TTC23: variants seen among roughly 807,000 people sequenced by gnomAD.
The protein encoded by TTC23 is tetratricopeptide repeat protein 23.
In TTC23, 58 loss-of-function variants were observed where a neutral mutation model predicts 55.1. The ratio of observed to expected loss-of-function variants is 1.05; its 90% CI spans 0.85 to 1.31. The LOEUF is 1.31. TTC23 is among the 50% of genes most tolerant of loss of function. The pLI is 0.00. For missense variants in TTC23, 516 were observed against 534.4 expected, an observed-to-expected ratio of 0.97 and a Z score of 0.34; for synonymous variants, 203 against 199.9, an observed-to-expected ratio of 1.02 and a Z score of -0.13.
intron 10 of TTC23, among the ~76,000 whole-genome samples, chr15:99,170,751 G>A (rs1292421594): frequency 6.6e-6 from 1 of 152,254 alleles, no homozygotes. Context: ...GGCCACGTGA[G>A]GGGACAGCAG....
At chr15:99,239,052 C>G (rs1038904363) in intron 3 of TTC23, among the ~76,000 whole-genome samples, 2 of 152,166 alleles carry the variant, frequency 1.3e-5, no homozygotes, top group African/African-American at 2.4e-5. Flanking sequence ...TTGATTGACT[C>G]ATTTCCTCAT....
chr15:99,228,630 A>T lies in TTC23; in HGVS notation c.83T>A (p.Phe28Tyr). The change falls in exon 5 of 14, where the codon TTC becomes TAC. Residue 28 changes from phenylalanine to tyrosine, a missense_variant. By Grantham distance (22) the Phe-to-Tyr change is conservative. Transcript: ENST00000394132. Reference protein sequence around the residue: ...AAVSITHRKKFQNKLLQTALF... With the variant: ...AAVSITHRKKYQNKLLQTALF... ...TGCTGTCTGAAGCAGCTTGTTTTGG[A>T]ACTTCTTTCTATGAGTGATGCTAAC... 6.2e-7 allele frequency: 1 copy of T among 1,613,820 alleles called. No individual in the cohort carries two copies. Among genetic ancestry groups the T allele is most frequent in the African/African-American group, 1.3e-5 (1 of 75,016 alleles).
intron 12 of TTC23, chr15:99,141,084 T>C (rs1037720749): frequency 4.6e-5 from 7 of 152,356 alleles, no homozygotes; most frequent in Middle Eastern, 6.8e-3. Flanking sequence ...TACCAAGTTT[T>C]GTTAAAGATA....
At chr15:99,139,869 C>T (rs2068026670) in intron 12 of TTC23, 1 of 743,366 alleles carries the variant, frequency 1.3e-6, no homozygotes, top group Admixed American at 3.2e-5. Flanking sequence ...ACCAAATATT[C>T]AGCTTATGGA....
intron 3 of TTC23, among the ~76,000 whole-genome samples, chr15:99,236,542 T>G (rs2079334673): frequency 6.6e-6 from 1 of 151,838 alleles, no homozygotes; most frequent in Admixed American, 6.6e-5. Flanking sequence ...CGCAGCTCAC[T>G]GCAGCCTACA....
rs1390644234 is a variant in TTC23, at chr15:99,208,247, AT to A, written c.582-8152del. 3.9e-5 allele frequency among the ~76,000 whole-genome samples: 6 copies of A among 152,240 alleles called. 1 individual carries two copies. Among genetic ancestry groups the A allele is most frequent in the African/African-American group, 1.4e-4 (6 of 41,550 alleles). ...CATATAAAGTTTTAAAATATGACAA[AT>A]TTTATATATATATACACACATATAT... On this transcript the variant is annotated intron_variant, in intron 8 of 13. Coordinates refer to ENST00000394132, the MANE Select transcript of TTC23 (RefSeq NM_001288615.3).
chr15:99,139,921 A>G (rs1555489455), intron 12 of TTC23: 6 of 378,366 alleles, frequency 1.6e-5, no homozygotes. Context: ...CCTTCTGCTT[A>G]CTTTAAGTCT....
chr15:99,240,697 C>T (rs2079706422), intron 3 of TTC23, among the ~76,000 whole-genome samples: 1 of 152,192 alleles, frequency 6.6e-6, no homozygotes, highest in African/African-American at 2.4e-5. Flanking sequence ...TCTCTGTATC[C>T]ATTTCTCTCT....
intron 12 of TTC23, among the ~76,000 whole-genome samples, chr15:99,153,619 T>TA (rs1555497986): frequency 6.6e-6 from 1 of 152,180 alleles, no homozygotes; most frequent in Non-Finnish European, 1.5e-5. Flanking sequence ...GAGATACATT[T>TA]AGAACAATAA....
At chr15:99,210,684 A>C (rs923982337) in intron 8 of TTC23, among the ~76,000 whole-genome samples, 13 of 152,192 alleles carry the variant, frequency 8.5e-5, no homozygotes, top group African/African-American at 3.1e-4. Context: ...TGATGGTAAG[A>C]ACTAAAAATT....
chr15:99,246,469 G>C (rs1286272095), intron 1 of TTC23, among the ~76,000 whole-genome samples: 2 of 151,892 alleles, frequency 1.3e-5, no homozygotes, highest in Non-Finnish European at 2.9e-5. Flanking sequence ...CAAAAAATTA[G>C]CTGGGCATAG....
intron 11 of TTC23, chr15:99,161,060 G>A (rs1389202038): frequency 6.7e-6 from 1 of 149,904 alleles, no homozygotes; most frequent in African/African-American, 2.5e-5. Flanking sequence ...AAAGTAAACA[G>A]GACTTAGGTG....
rs1302297387 is a variant in TTC23 at position 99,137,818 on chromosome 15, C to T, written c.*192G>A. On this transcript the variant is annotated 3_prime_UTR_variant, in exon 14 of 14. Coordinates refer to ENST00000394132, the MANE Select transcript of TTC23 (RefSeq NM_001288615.3). The stretch of plus-strand genomic sequence containing the variant: ...AAACTGCTTTATAGCATATATCACC[C>T]TGAAGGGCATCCACTGTCAAAATGT... 1 of 867,178 alleles carries T rather than the reference C, an allele frequency of 1.2e-6. No homozygotes were observed. The highest frequency in any genetic ancestry group is 1.7e-5 in the African/African-American group (1 of 58,936). 53.7% of individuals were successfully genotyped at this position (867,178 alleles called of 1,614,324 possible). A position where few individuals can be genotyped will look rare whatever the true frequency, so the allele number is the denominator to read the frequency against.
At position 99,193,735 on chromosome 15, in the gene TTC23, C is replaced by T. The variant is rs112910661; in HGVS notation, c.759+6184G>A. Among the ~76,000 whole-genome samples the T allele has an allele frequency of 9.8e-3, 1,488 of 152,062 alleles. 34 individuals carry two copies. Among genetic ancestry groups the T allele is most frequent in the African/African-American group, 0.034 (1,407 of 41,456 alleles). ...AAAGTTTTAAAGTTTGTACTGGGCA[C>T]GGTGGCTCACACCTATAATCCCAGA... On this transcript the variant is annotated intron_variant, in intron 9 of 13. Coordinates refer to ENST00000394132, the MANE Select transcript of TTC23 (RefSeq NM_001288615.3).
intron 12 of TTC23, among the ~76,000 whole-genome samples, chr15:99,142,994 G>A (rs2068422518): frequency 6.6e-6 from 1 of 152,104 alleles, no homozygotes; most frequent in African/African-American, 2.4e-5. Flanking sequence ...TTTCCCCTAA[G>A]GTTACTTATC....
chr15:99,248,123 T>A (rs1348934957), intron 1 of TTC23: 2 of 152,226 alleles, frequency 1.3e-5, no homozygotes, highest in African/African-American at 4.8e-5. Flanking sequence ...AAGAAGTGCA[T>A]CAAAATTTAT....
At chr15:99,235,527 C>T (rs531402781) in intron 3 of TTC23, among the ~76,000 whole-genome samples, 6 of 151,914 alleles carry the variant, frequency 3.9e-5, no homozygotes, top group Middle Eastern at 3.2e-3. Context: ...CACACCACCA[C>T]GCCCAGCTAA....
intron 9 of TTC23, among the ~76,000 whole-genome samples, chr15:99,197,928 AAAAG>A (rs1402575388): frequency 6.6e-6 from 1 of 152,030 alleles, no homozygotes; most frequent in East Asian, 1.9e-4. Context: ...GAAAAAAGAA[AAAAG>A]AAAGGGACAG....
At chr15:99,210,633 G>A (rs2076970052) in intron 8 of TTC23, among the ~76,000 whole-genome samples, 1 of 152,202 alleles carries the variant, frequency 6.6e-6, no homozygotes, top group South Asian at 2.1e-4. Context: ...CCAAAAGAGA[G>A]AAGCAGAGAA....
Sources: gnomAD v4.1 joint callset for allele counts (sites outside exome capture counted in the v4.1 genomes callset) on GRCh38, gnomAD v4.1.1 for gene constraint, MANE v1.5 for transcripts, NCBI Gene and HGNC (gene_info 2026-07-23, HGNC 2026-07-21) for gene names.